Variants in CCDC170 observed in about 807,000 individuals in gnomAD.
CCDC170 encodes coiled-coil domain containing 170.
Under a neutral mutation model 72.6 loss-of-function variants are expected in CCDC170, and 69 were observed. That is an observed-to-expected ratio of 0.95 (90% CI 0.78 to 1.16). CCDC170 has a LOEUF of 1.16. Among genes scored for constraint, CCDC170 ranks in the 50% most tolerant of loss-of-function variants. CCDC170 has a pLI of 0.00. For missense variants in CCDC170, 852 were observed against 832.5 expected (o/e 1.02, Z -0.29); for synonymous variants, 300 against 303.9 (o/e 0.99, Z 0.13).
chr6:151,494,103 G>T lies in CCDC170; in HGVS notation c.-26G>T, dbSNP rs776797957. 6.7e-7 allele frequency: 1 copy of T among 1,491,790 alleles called. No individual in the cohort carries two copies. The highest frequency in any genetic ancestry group is 1.3e-5 in the South Asian group (1 of 78,856). 92.4% of individuals were successfully genotyped at this position (1,491,790 alleles called of 1,614,324 possible). ...CTTCCTCAGGGCCGGTTCCGGGTCC[G>T]AGCGCGCCCCCGGGCTCGGGTCGTC... is the stretch of plus-strand genomic sequence containing the variant. On this transcript the variant is annotated 5_prime_UTR_variant, in exon 1 of 11. Coordinates refer to ENST00000239374, the MANE Select transcript of CCDC170 (RefSeq NM_025059.4).
intron 1 of CCDC170, among the ~76,000 whole-genome samples, chr6:151,508,026 C>T (rs902332605): frequency 7.2e-5 from 11 of 152,190 alleles, no homozygotes; most frequent in African/African-American, 2.6e-4. Flanking sequence ...GTTGTTTGCT[C>T]CTCTTCCTAT....
intron 1 of CCDC170, among the ~76,000 whole-genome samples, chr6:151,507,811 C>T (rs542490649): frequency 7.9e-5 from 12 of 151,842 alleles, no homozygotes; most frequent in Non-Finnish European, 1.3e-4. Context: ...ATCCCAGCTA[C>T]TCGGGAGGCT....
rs112675667 is a variant in CCDC170, at chr6:151,618,216, T to A, written c.*69T>A. On this transcript the variant is annotated 3_prime_UTR_variant, in exon 11 of 11. Transcript: ENST00000239374. ...AATTCCCAATTTCACAAATTCCTCA[T>A]GTCTTTGAGATTTGATCAGTTTGTG... 13 of 1,328,268 alleles carry A rather than the reference T, an allele frequency of 9.8e-6. No homozygotes were observed. In the African/African-American group the frequency reaches 1.3e-4, roughly 13 times the overall value. 82.3% of individuals were successfully genotyped at this position (1,328,268 alleles called of 1,614,324 possible). A position where few individuals can be genotyped will look rare whatever the true frequency, so the allele number is the denominator to read the frequency against.
intron 9 of CCDC170, among the ~76,000 whole-genome samples, chr6:151,597,893 C>T (rs73780812): frequency 0.081 from 12,321 of 152,166 alleles, 544 homozygotes; most frequent in African/African-American, 0.11. Flanking sequence ...GGAAGGTTTC[C>T]GAATCTGGAA....
intron 2 of CCDC170, 45 bp from the exon 3 acceptor site, chr6:151,538,000 A>C: frequency 6.5e-7 from 1 of 1,531,598 alleles, no homozygotes. Context: ...ATTCAAACTT[A>C]TGTTGTTAAG....
At chr6:151,594,573 A>G (rs1371451081) in intron 8 of CCDC170, among the ~76,000 whole-genome samples, 1 of 152,064 alleles carries the variant, frequency 6.6e-6, no homozygotes, top group Non-Finnish European at 1.5e-5. Context: ...ATTACTTCTT[A>G]ATAATTATAT....
intron 1 of CCDC170, among the ~76,000 whole-genome samples, chr6:151,531,674 T>C (rs1476718277): frequency 1.3e-5 from 2 of 152,252 alleles, no homozygotes; most frequent in Non-Finnish European, 2.9e-5. Flanking sequence ...AATAAAAACA[T>C]ACCCGAGACT....
intron 5 of CCDC170, among the ~76,000 whole-genome samples, chr6:151,569,342 G>A (rs1269289329): frequency 1.3e-5 from 2 of 152,192 alleles, no homozygotes; most frequent in Non-Finnish European, 2.9e-5. Flanking sequence ...ATTTAAATGG[G>A]AAGCTAAATT....
intron 6 of CCDC170, among the ~76,000 whole-genome samples, chr6:151,584,744 A>G (rs1776428422): frequency 6.6e-6 from 1 of 152,200 alleles, no homozygotes; most frequent in South Asian, 2.1e-4. Flanking sequence ...TTCTCAATAT[A>G]GGCTCCGAGG....
chr6:151,573,474 G>A lies in CCDC170; in HGVS notation c.1075G>A (p.Glu359Lys). ...GAAGATTCGAGAAATGGACAGCCGG[G>A]AAGAAAGCAGGGACCGGGTGAGTGG... ...LEKIREMDSR[E>K]ESRDRMVSQL... Residue 359 changes from glutamate (E) to lysine (K), a missense_variant, in exon 6 of 11, where the codon GAA becomes AAA. Physicochemically the swap from Glu to Lys is moderately conservative, Grantham distance 56. Transcript: ENST00000239374. 6.2e-7 allele frequency: 1 copy of A among 1,613,842 alleles called. No individual in the cohort carries two copies.
In CCDC170 at chr6:151,593,273, A is replaced by C; in HGVS notation, c.1460A>C (p.Gln487Pro). Reference sequence around the variant, plus strand: ...AACAAGACCATTGCCCACAATTTGCAGAGAAAGGTAGGAGATATTGAAACT... The same window carrying C: ...AACAAGACCATTGCCCACAATTTGCCGAGAAAGGTAGGAGATATTGAAACT... The part of the protein sequence containing the change: ...IENKTIAHNL[Q>P]RKLKTQKERL... The change falls in exon 8 of 11, where the codon CAG becomes CCG. Residue 487 changes from glutamine (Q) to proline (P), a missense_variant. Coordinates refer to ENST00000239374, the MANE Select transcript of CCDC170 (RefSeq NM_025059.4). The C allele has an allele frequency of 6.2e-7, 1 of 1,613,608 alleles. No individual in the cohort carries two copies. The highest frequency in any genetic ancestry group is 8.5e-7 in the Non-Finnish European group (1 of 1,179,636).
chr6:151,494,497 A>G (rs991665119), intron 1 of CCDC170, among the ~76,000 whole-genome samples: 2 of 152,136 alleles, frequency 1.3e-5, no homozygotes, highest in Non-Finnish European at 2.9e-5. Context: ...GGGAGCAAAG[A>G]ATTCCTTCAT....
intron 9 of CCDC170, 88 bp downstream of exon 9, chr6:151,596,665 C>T (rs1379029451): frequency 1.3e-6 from 2 of 1,513,596 alleles, no homozygotes; most frequent in Non-Finnish European, 1.8e-6. Context: ...TCGGGACACG[C>T]CAGAAGAAGA....
intron 7 of CCDC170, 130 bp from the exon 8 acceptor site, chr6:151,592,977 C>G: frequency 1.1e-6 from 1 of 945,048 alleles, no homozygotes; most frequent in South Asian, 1.6e-5. Flanking sequence ...GGTCAGAGTC[C>G]GTGCTCCGTT....
intron 1 of CCDC170, among the ~76,000 whole-genome samples, chr6:151,519,002 G>T (rs923125611): frequency 1.3e-5 from 2 of 152,184 alleles, no homozygotes; most frequent in South Asian, 4.1e-4. Context: ...CCTGATAAGG[G>T]TCTATGTTCA....
At chr6:151,526,863 C>CT (rs1782418787) in intron 1 of CCDC170, among the ~76,000 whole-genome samples, 1 of 151,910 alleles carries the variant, frequency 6.6e-6, no homozygotes, top group Non-Finnish European at 1.5e-5. Context: ...AGAATGCTGC[C>CT]TTCACTTCAA....
intron 8 of CCDC170, among the ~76,000 whole-genome samples, chr6:151,596,004 T>G (rs1474846225): frequency 6.6e-6 from 1 of 152,210 alleles, no homozygotes; most frequent in Non-Finnish European, 1.5e-5. Flanking sequence ...TCTTATTACA[T>G]TCTGCTCTGA....
chr6:151,553,448 TA>T (rs1330161228), intron 5 of CCDC170, among the ~76,000 whole-genome samples: 8 of 152,158 alleles, frequency 5.3e-5, no homozygotes, highest in African/African-American at 1.9e-4. Context: ...CAATTATAAC[TA>T]GTAGTTATTA....
chr6:151,550,174 T>C (rs1782856790), intron 5 of CCDC170, among the ~76,000 whole-genome samples: 1 of 152,234 alleles, frequency 6.6e-6, no homozygotes, highest in African/African-American at 2.4e-5. Flanking sequence ...ATTATGGGAT[T>C]AATAATAATG....
Sources: allele counts gnomAD v4.1 joint callset (sites outside exome capture counted in the v4.1 genomes callset), GRCh38; gene constraint gnomAD v4.1.1; transcripts MANE v1.5; gene names NCBI Gene and HGNC (gene_info 2026-07-23, HGNC 2026-07-21).